The following PARD3 variants were observed in gnomAD, a reference collection of about 807,000 sequenced individuals.
PARD3 encodes the protein partitioning defective 3 homolog.
A neutral mutation model predicts 155.4 loss-of-function variants in PARD3; 75 were observed. That is an observed-to-expected ratio of 0.48 (90% confidence interval 0.40 to 0.58). The LOEUF is 0.58. PARD3 is among the 20% of genes least tolerant of loss of function. The pLI is 0.00. For synonymous variants in PARD3, 576 were observed against 610.5 expected (o/e 0.94, Z 0.83); for missense variants, 1,642 against 1,721.7 (o/e 0.95, Z 0.82).
intron 15 of PARD3, among the ~76,000 whole-genome samples, chr10:34,342,273 C>A (rs772243403): frequency 1.3e-5 from 2 of 152,158 alleles, no homozygotes; most frequent in Non-Finnish European, 2.9e-5. Context: ...AGGACGTATG[C>A]CCTAGTGAAG....
intron 2 of PARD3, among the ~76,000 whole-genome samples, chr10:34,548,661 T>C (rs1277915476): frequency 1.3e-5 from 2 of 152,200 alleles, no homozygotes; most frequent in Non-Finnish European, 2.9e-5. Flanking sequence ...TGAACAATCT[T>C]CCTTGACATT....
intron 1 of PARD3, among the ~76,000 whole-genome samples, chr10:34,781,031 C>T (rs906802203): frequency 6.6e-6 from 1 of 152,204 alleles, no homozygotes; most frequent in Non-Finnish European, 1.5e-5. Context: ...GAACTTGGAG[C>T]AGGACATCAC....
At chr10:34,163,915 A>G (rs1457847297) in intron 22 of PARD3, among the ~76,000 whole-genome samples, 2 of 152,240 alleles carry the variant, frequency 1.3e-5, no homozygotes, top group African/African-American at 4.8e-5. Flanking sequence ...TACAAGAGCA[A>G]TAAACACCTG....
intron 14 of PARD3, among the ~76,000 whole-genome samples, chr10:34,351,277 T>C (rs1162001371): frequency 6.6e-6 from 1 of 152,128 alleles, no homozygotes; most frequent in Admixed American, 6.5e-5. Flanking sequence ...TTGTATTTTA[T>C]CCCCAATGCC....
intron 22 of PARD3, among the ~76,000 whole-genome samples, chr10:34,189,090 G>C (rs533600017): frequency 6.6e-6 from 1 of 152,290 alleles, no homozygotes; most frequent in South Asian, 2.1e-4. Flanking sequence ...TCAGTGCTTT[G>C]GGAGGCTGAG....
chr10:34,379,387 T>C (rs1021679121), intron 9 of PARD3, among the ~76,000 whole-genome samples: 3 of 152,230 alleles, frequency 2.0e-5, no homozygotes, highest in Admixed American at 6.5e-5. Flanking sequence ...TTAGGGTGCT[T>C]GGACTATTAA....
At chr10:34,402,004 A>G in intron 5 of PARD3, 87 bp from the exon 6 acceptor site, 1 of 989,028 alleles carries the variant, frequency 1.0e-6, no homozygotes, top group South Asian at 1.3e-5. Flanking sequence ...ATGGAAGTCT[A>G]ATAGGCATTA....
chr10:34,415,206 C>T (rs1023920875), intron 5 of PARD3, among the ~76,000 whole-genome samples: 3 of 152,012 alleles, frequency 2.0e-5, no homozygotes, highest in Non-Finnish European at 4.4e-5. Context: ...GTGGGGAAGC[C>T]GTATATGTAG....
intron 23 of PARD3, among the ~76,000 whole-genome samples, chr10:34,123,657 A>T: frequency 6.6e-6 from 1 of 150,920 alleles, no homozygotes; most frequent in East Asian, 1.9e-4. Flanking sequence ...CTGGTCTTGA[A>T]CTCCTGCTCT....
At chr10:34,206,272 T>A (rs528538061) in intron 22 of PARD3, among the ~76,000 whole-genome samples, 6 of 152,202 alleles carry the variant, frequency 3.9e-5, no homozygotes, top group Non-Finnish European at 8.8e-5. Flanking sequence ...TAGCTATTCA[T>A]TGCACATCTT....
chr10:34,800,075 A>G (rs1842710889), intron 1 of PARD3, among the ~76,000 whole-genome samples: 1 of 151,814 alleles, frequency 6.6e-6, no homozygotes, highest in African/African-American at 2.4e-5. Context: ...GGCTACAGTG[A>G]GCCATGATCA....
Position 34,131,569 on chromosome 10 carries a change from G to A in PARD3, c.3434C>T (p.Pro1145Leu), listed in dbSNP as rs1208422211. ...PSPVDSNRST[P>L]SNHDRIQRLR... is the part of the protein sequence containing the mutation. Reference sequence around the variant, plus strand: ...ACGCTGTATCCGATCATGATTGCTAGGAGTTGATCTGTTACTGAAAGAGAG... The same window carrying A: ...ACGCTGTATCCGATCATGATTGCTAAGAGTTGATCTGTTACTGAAAGAGAG... The change falls in exon 23 of 25, where the codon CCT (proline) becomes CTT (leucine). Residue 1145 changes from proline (P) to leucine (L), a missense_variant. Pro to Leu is a moderately conservative substitution (Grantham distance 98). Around this residue, in one of 3 missense-constraint regions of PARD3, gnomAD observed 1,529 missense variants for 1,587.3 expected, o/e 0.96. Coordinates refer to ENST00000374788, the MANE Select transcript of PARD3 (RefSeq NM_001184785.2). The A allele has an allele frequency of 6.2e-7, 1 of 1,613,832 alleles. No homozygotes were observed. Among genetic ancestry groups the A allele is most frequent in the Non-Finnish European group, 8.5e-7 (1 of 1,179,748 alleles).
At chr10:34,697,050 ACACACC>A (rs765618927) in intron 1 of PARD3, among the ~76,000 whole-genome samples, 2,159 of 151,362 alleles carry the variant, frequency 0.014, 52 homozygotes, top group African/African-American at 0.049. Context: ...ACACACACAC[ACACACC>A]CCCCTCAAAA....
intron 1 of PARD3, among the ~76,000 whole-genome samples, chr10:34,797,227 T>A (rs748118097): frequency 1.3e-5 from 2 of 152,164 alleles, no homozygotes; most frequent in Admixed American, 1.3e-4. Context: ...CATAACTGAC[T>A]GCATCCTTGA....
rs145696300 is a variant in PARD3 at position 34,393,757 on chromosome 10, A to G, written c.890+5573T>C. Reference sequence around the variant, plus strand: ...TTAATTAATTTAAAATGTTTTAGCCATAATTGTTTTCCATAGGGGAAAAGA... The same window carrying G: ...TTAATTAATTTAAAATGTTTTAGCCGTAATTGTTTTCCATAGGGGAAAAGA... On this transcript the variant is annotated intron_variant, in intron 7 of 24. Transcript: ENST00000374788. Among the ~76,000 whole-genome samples, 449 of 152,132 alleles carry G rather than the reference A, an allele frequency of 3.0e-3. 2 individuals are homozygous for G. Among genetic ancestry groups the G allele is most frequent in the African/African-American group, 0.01 (425 of 41,494 alleles).
At chr10:34,540,331 A>T (rs1030330359) in intron 2 of PARD3, among the ~76,000 whole-genome samples, 8 of 107,604 alleles carry the variant, frequency 7.4e-5, no homozygotes, top group Admixed American at 3.3e-4. Flanking sequence ...ACACTATATT[A>T]AAAAAAAAAA....
At chr10:34,222,470 T>C (rs189200100) in intron 22 of PARD3, among the ~76,000 whole-genome samples, 3 of 152,236 alleles carry the variant, frequency 2.0e-5, no homozygotes, top group South Asian at 2.1e-4. Context: ...GAACCTTCTA[T>C]GTACGTACCT....
intron 22 of PARD3, among the ~76,000 whole-genome samples, chr10:34,147,732 T>A (rs1004555709): frequency 1.7e-4 from 26 of 152,122 alleles, no homozygotes; most frequent in East Asian, 1.4e-3. Flanking sequence ...TATAATTTTT[T>A]AAAAAAATCT....
chr10:34,284,303 T>C, intron 20 of PARD3, 58 bp from the exon 21 acceptor site: 5 of 1,029,844 alleles, frequency 4.9e-6, no homozygotes, highest in Middle Eastern at 2.2e-4. Context: ...TTTCTTTTGT[T>C]TGTGGTAATG....
Sources: gnomAD v4.1 joint callset for allele counts (sites outside exome capture counted in the v4.1 genomes callset) on GRCh38, gnomAD v4.1.1 for gene constraint, gnomAD v4.1.1 regional missense constraint, MANE v1.5 for transcripts, NCBI Gene and HGNC (gene_info 2026-07-23, HGNC 2026-07-21) for gene names.